Variants in CSMD1 observed in about 807,000 individuals in gnomAD.
The protein encoded by CSMD1 is CUB and sushi domain-containing protein 1.
In CSMD1, 213 loss-of-function variants were observed where a neutral mutation model predicts 417.5. The ratio of observed to expected loss-of-function variants is 0.51; its 90% CI spans 0.46 to 0.57. The LOEUF (loss-of-function observed/expected upper bound fraction) is 0.57. Ranked by LOEUF, CSMD1 falls within the 20% of genes least tolerant of loss-of-function variation. The pLI is 0.00. For missense variants in CSMD1, 6,923 were observed against 4,529.7 expected (o/e 1.53, Z -15.17); for synonymous variants, 2,862 against 1,736.8 (o/e 1.65, Z -16.11).
At chr8:4,092,131 A>T (rs1454380543) in intron 3 of CSMD1, among the ~76,000 whole-genome samples, 2 of 152,180 alleles carry the variant, frequency 1.3e-5, no homozygotes, top group Non-Finnish European at 2.9e-5. Flanking sequence ...TCTCCTTAAG[A>T]GAAGAAAATT....
chr8:4,442,649 C>G (rs1164377396), intron 2 of CSMD1, among the ~76,000 whole-genome samples: 4 of 152,146 alleles, frequency 2.6e-5, no homozygotes, highest in Non-Finnish European at 5.9e-5. Flanking sequence ...TTCCAGAGTA[C>G]TTTTAAAACT....
chr8:4,448,284 C>G (rs1045495966), intron 2 of CSMD1, among the ~76,000 whole-genome samples: 9 of 151,998 alleles, frequency 5.9e-5, no homozygotes, highest in African/African-American at 1.9e-4. Context: ...ATAGTTATAA[C>G]ACAAAAAAGG....
chr8:3,552,268 T>G (rs1452911825), intron 10 of CSMD1, among the ~76,000 whole-genome samples: 2 of 152,070 alleles, frequency 1.3e-5, no homozygotes, highest in African/African-American at 4.8e-5. Context: ...ACAGAAAGCT[T>G]GAATACTAAT....
chr8:4,838,793 G>C (rs779934198), intron 1 of CSMD1, among the ~76,000 whole-genome samples: 1 of 152,146 alleles, frequency 6.6e-6, no homozygotes, highest in Admixed American at 6.5e-5. Context: ...GGTCGGAACC[G>C]ACAGACACTG....
At chr8:2,985,870 T>G (rs1318012945) in intron 54 of CSMD1, among the ~76,000 whole-genome samples, 1 of 149,428 alleles carries the variant, frequency 6.7e-6, no homozygotes, top group African/African-American at 2.5e-5. Flanking sequence ...GCTTCTGAAC[T>G]GCTCCTTCTA....
intron 40 of CSMD1, among the ~76,000 whole-genome samples, chr8:3,143,822 C>T (rs1467553834): frequency 1.3e-5 from 2 of 152,154 alleles, no homozygotes; most frequent in African/African-American, 2.4e-5. Flanking sequence ...CTTGGGTTTT[C>T]CTACTTCATT....
rs1812789378 is a variant in CSMD1 at position 3,411,965 on chromosome 8, T to TAC, written c.1562-2361_1562-2360insGT. 1.7e-4 allele frequency among the ~76,000 whole-genome samples: 2 copies of TAC among 11,486 alleles called. 1 individual carries two copies. Among genetic ancestry groups the TAC allele is most frequent in the African/African-American group, 6.0e-4 (2 of 3,336 alleles). 7.5% of individuals were successfully genotyped at this position (11,486 alleles called of 152,430 possible). ...ATGCACGTATATATACACGTATATA[T>TAC]GCACGTATATATACACGTATATATA... On this transcript the variant is annotated intron_variant, in intron 12 of 69. Coordinates refer to ENST00000635120, the MANE Select transcript of CSMD1 (RefSeq NM_033225.6).
chr8:4,826,400 G>C (rs1212189086), intron 1 of CSMD1, among the ~76,000 whole-genome samples: 1 of 152,148 alleles, frequency 6.6e-6, no homozygotes, highest in Non-Finnish European at 1.5e-5. Flanking sequence ...GCAACAGCAT[G>C]GATGAGCCTG....
chr8:4,861,874 G>A (rs1334046021), intron 1 of CSMD1, among the ~76,000 whole-genome samples: 1 of 152,070 alleles, frequency 6.6e-6, no homozygotes, highest in Non-Finnish European at 1.5e-5. Context: ...AGAAGCAGAG[G>A]AAGAGAGACA....
chr8:3,594,209 G>C (rs1339012481), intron 8 of CSMD1, among the ~76,000 whole-genome samples: 1 of 152,150 alleles, frequency 6.6e-6, no homozygotes. Flanking sequence ...AAATGCACCA[G>C]ACATGAGGCG....
chr8:3,801,442 C>T (rs775996607), intron 5 of CSMD1, among the ~76,000 whole-genome samples: 2 of 152,118 alleles, frequency 1.3e-5, no homozygotes, highest in Non-Finnish European at 2.9e-5. Context: ...TTCATACCCA[C>T]TAGAAGGGCT....
chr8:3,233,507 G>C (rs1314216253), intron 26 of CSMD1, among the ~76,000 whole-genome samples: 1 of 152,204 alleles, frequency 6.6e-6, no homozygotes, highest in Non-Finnish European at 1.5e-5. Flanking sequence ...GTAGAAAACA[G>C]ACTAATACAC....
intron 5 of CSMD1, among the ~76,000 whole-genome samples, chr8:3,772,167 CATATAT>C (rs375018980): frequency 6.7e-5 from 3 of 44,874 alleles, no homozygotes; most frequent in South Asian, 8.6e-4. Context: ...GAAAGGGCAA[CATATAT>C]ATATATATAT....
chr8:3,274,483 T>C (rs1802121728), intron 26 of CSMD1, among the ~76,000 whole-genome samples: 1 of 152,172 alleles, frequency 6.6e-6, no homozygotes, highest in African/African-American at 2.4e-5. Flanking sequence ...TGGGTATGCT[T>C]GTTGACTTTC....
intron 4 of CSMD1, among the ~76,000 whole-genome samples, chr8:4,015,926 A>C (rs57835507): frequency 0.11 from 16,763 of 152,208 alleles, 1,106 homozygotes; most frequent in South Asian, 0.22. Flanking sequence ...ACAAACAACA[A>C]AATGTCTCTT....
intron 3 of CSMD1, among the ~76,000 whole-genome samples, chr8:4,194,201 CTAAA>C (rs759651993): frequency 6.6e-6 from 1 of 152,120 alleles, no homozygotes; most frequent in Non-Finnish European, 1.5e-5. Context: ...CCTGACACTA[CTAAA>C]TTTCTTTCGT....
intron 5 of CSMD1, among the ~76,000 whole-genome samples, chr8:3,838,967 T>TTG (rs1563132486): frequency 9.0e-5 from 9 of 99,936 alleles, no homozygotes; most frequent in African/African-American, 3.2e-4. Flanking sequence ...TAAATTAATA[T>TTG]TATATATAAT....
intron 7 of CSMD1, among the ~76,000 whole-genome samples, chr8:3,635,147 C>G (rs184509047): frequency 6.6e-6 from 1 of 152,090 alleles, no homozygotes; most frequent in Non-Finnish European, 1.5e-5. Context: ...ACGGTGAGTG[C>G]GTGTGAAGGC....
intron 50 of CSMD1, among the ~76,000 whole-genome samples, chr8:3,040,387 A>AATATATATATATATATATATAT (rs35722761): frequency 1.2e-4 from 16 of 137,536 alleles, no homozygotes; most frequent in African/African-American, 1.3e-4. Context: ...TACACATTGA[A>AATATATATATATATATATATAT]ATATATATAT....
Sources: allele counts gnomAD v4.1 joint callset (sites outside exome capture counted in the v4.1 genomes callset), GRCh38; gene constraint gnomAD v4.1.1; transcripts MANE v1.5; gene names NCBI Gene and HGNC (gene_info 2026-07-23, HGNC 2026-07-21).